ATP10A: variants seen among roughly 807,000 people sequenced by gnomAD.
ATP10A encodes the protein phospholipid-transporting ATPase VA.
Under a neutral mutation model 147.8 loss-of-function variants are expected in ATP10A, and 111 were observed. The ratio of observed to expected loss-of-function variants is 0.75; its 90% CI spans 0.64 to 0.88. The LOEUF (loss-of-function observed/expected upper bound fraction) is 0.88, where lower values mean the gene tolerates loss of function less well. Ranked by LOEUF, ATP10A falls within the 40% of genes least tolerant of loss-of-function variation. The pLI is 0.00. For missense variants in ATP10A, 1,927 were observed against 1,959.0 expected (o/e 0.98, Z 0.31); for synonymous variants, 875 against 841.6 (o/e 1.04, Z -0.69).
intron 2 of ATP10A, among the ~76,000 whole-genome samples, chr15:25,774,987 T>C (rs956221263): frequency 2.6e-5 from 4 of 152,192 alleles, no homozygotes; most frequent in African/African-American, 7.2e-5. Flanking sequence ...TCCTTGAATG[T>C]ATAAGAGAAA....
chr15:25,810,608 A>T (rs931048140), intron 1 of ATP10A, among the ~76,000 whole-genome samples: 1 of 152,188 alleles, frequency 6.6e-6, no homozygotes, highest in Non-Finnish European at 1.5e-5. Flanking sequence ...TATATCCACC[A>T]GGGCTTTACC....
At chr15:25,748,237 C>T (rs548409576) in intron 2 of ATP10A, among the ~76,000 whole-genome samples, 11 of 152,294 alleles carry the variant, frequency 7.2e-5, no homozygotes, top group Admixed American at 2.0e-4. Context: ...GCTGGGATTA[C>T]AGGTGTGAGC....
At chr15:25,766,194 C>A (rs1301500612) in intron 2 of ATP10A, among the ~76,000 whole-genome samples, 2 of 152,266 alleles carry the variant, frequency 1.3e-5, no homozygotes, top group African/African-American at 4.8e-5. Context: ...ACAAGAAAGA[C>A]CAGACTCCAT....
chr15:25,747,919 T>TA (rs1259492221), intron 2 of ATP10A, among the ~76,000 whole-genome samples: 1 of 152,084 alleles, frequency 6.6e-6, no homozygotes, highest in Non-Finnish European at 1.5e-5. Context: ...ATAAACATAT[T>TA]AAAAAACACA....
chr15:25,782,024 C>T (rs1046477403), intron 1 of ATP10A, among the ~76,000 whole-genome samples: 4 of 152,218 alleles, frequency 2.6e-5, no homozygotes, highest in Non-Finnish European at 2.9e-5. Context: ...ACAGCAGCAT[C>T]ACTCAGAATT....
rs1352555638 is a variant in ATP10A, at chr15:25,694,938, T to C, written c.2969A>G (p.Lys990Arg). 1 of 1,614,106 alleles carries C rather than the reference T, an allele frequency of 6.2e-7. No individual in the cohort carries two copies. Among genetic ancestry groups the C allele is most frequent in the Admixed American group, 1.7e-5 (1 of 60,000 alleles). ...AYALEKNLEDKFLFLAKQCRS... is the reference protein window; with the variant it reads ...AYALEKNLEDRFLFLAKQCRS... The stretch of plus-strand genomic sequence containing the variant: ...GCACTGCTTGGCAAGGAAGAGGAAT[T>C]TGTCCTCCAGGTTTTTCTCGAGAGC... Residue 990 changes from lysine to arginine, a missense_variant, in exon 14 of 21, where the codon AAA becomes AGA. Physicochemically the swap from Lys to Arg is conservative, Grantham distance 26. Transcript: ENST00000555815.
chr15:25,833,833 G>A (rs866505163), intron 1 of ATP10A, among the ~76,000 whole-genome samples: 25 of 152,220 alleles, frequency 1.6e-4, no homozygotes, highest in Admixed American at 7.8e-4. Flanking sequence ...TAAGCCGGGC[G>A]TGGTGGTGGG....
intron 2 of ATP10A, among the ~76,000 whole-genome samples, chr15:25,776,014 T>C (rs1341023801): frequency 6.6e-6 from 1 of 152,250 alleles, no homozygotes; most frequent in Non-Finnish European, 1.5e-5. Flanking sequence ...GCAGGAAAGA[T>C]GTTCCCCAGT....
chr15:25,778,836 G>C (rs775027704), intron 2 of ATP10A, among the ~76,000 whole-genome samples: 43 of 152,110 alleles, frequency 2.8e-4, no homozygotes, highest in Non-Finnish European at 5.0e-4. Context: ...AGATACGACT[G>C]GGTTCAGAAG....
intron 1 of ATP10A, among the ~76,000 whole-genome samples, chr15:25,840,899 G>T (rs1280636084): frequency 6.6e-6 from 1 of 152,140 alleles, no homozygotes; most frequent in Non-Finnish European, 1.5e-5. Flanking sequence ...GTTTTGTAAA[G>T]ATGTTGAACA....
intron 2 of ATP10A, among the ~76,000 whole-genome samples, chr15:25,759,878 TC>T (rs1273758843): frequency 1.3e-5 from 2 of 152,118 alleles, no homozygotes; most frequent in African/African-American, 4.8e-5. Context: ...CTATGTTTAA[TC>T]AAGATAATTT....
chr15:25,793,754 C>T (rs1471181606), intron 1 of ATP10A, among the ~76,000 whole-genome samples: 3 of 152,240 alleles, frequency 2.0e-5, no homozygotes, highest in African/African-American at 7.2e-5. Context: ...CCCAATCCTC[C>T]CTCAGAAGCA....
chr15:25,800,056 G>T (rs922803127), intron 1 of ATP10A, among the ~76,000 whole-genome samples: 4 of 152,176 alleles, frequency 2.6e-5, no homozygotes, highest in Non-Finnish European at 5.9e-5. Context: ...CACCAAACTC[G>T]CCTGGGGGCC....
intron 2 of ATP10A, among the ~76,000 whole-genome samples, chr15:25,775,094 T>C (rs929157725): frequency 3.9e-5 from 6 of 152,222 alleles, no homozygotes; most frequent in Admixed American, 2.0e-4. Flanking sequence ...TAGATTATGC[T>C]GCCTCCTTCA....
chr15:25,771,631 C>G (rs1018083521), intron 2 of ATP10A, among the ~76,000 whole-genome samples: 11 of 152,130 alleles, frequency 7.2e-5, no homozygotes, highest in African/African-American at 2.7e-4. Context: ...TGTGGATTTA[C>G]TGGACACCAA....
At chr15:25,841,164 T>A (rs1236839004) in intron 1 of ATP10A, among the ~76,000 whole-genome samples, 1 of 152,212 alleles carries the variant, frequency 6.6e-6, no homozygotes. Context: ...GAATTCTTTG[T>A]CTAGTCTTAG....
downstream of ATP10A, among the ~76,000 whole-genome samples, chr15:25,672,295 C>G (rs1406977093): frequency 6.6e-6 from 1 of 152,204 alleles, no homozygotes; most frequent in African/African-American, 2.4e-5. Flanking sequence ...CTAGGTTCAT[C>G]TGTGTTGTAC....
intron 15 of ATP10A, among the ~76,000 whole-genome samples, chr15:25,688,352 C>T (rs1206311595): frequency 1.3e-5 from 2 of 152,164 alleles, no homozygotes; most frequent in South Asian, 2.1e-4. Flanking sequence ...GCTCCACTGG[C>T]CTCCCACATA....
At chr15:25,821,021 TAC>T (rs1243194572) in intron 1 of ATP10A, among the ~76,000 whole-genome samples, 1 of 152,196 alleles carries the variant, frequency 6.6e-6, no homozygotes, top group Non-Finnish European at 1.5e-5. Context: ...AAACATACAT[TAC>T]AGTCATATCA....
Sources: allele counts gnomAD v4.1 joint callset (sites outside exome capture counted in the v4.1 genomes callset), GRCh38; gene constraint gnomAD v4.1.1; transcripts MANE v1.5; gene names NCBI Gene and HGNC (gene_info 2026-07-23, HGNC 2026-07-21).